Variants in GRID2 observed in about 807,000 individuals in gnomAD.
GRID2 encodes the protein glutamate ionotropic receptor delta type subunit 2.
In GRID2, 33 loss-of-function variants were observed where a neutral mutation model predicts 114.8. That is an observed-to-expected ratio of 0.29 (90% CI 0.22 to 0.38). The LOEUF is 0.38. Ranked by LOEUF, GRID2 falls within the 10% of genes least tolerant of loss-of-function variation. GRID2 has a pLI of 1.00. For synonymous variants in GRID2, 505 were observed against 449.9 expected (o/e 1.12, Z -1.55); for missense variants, 1,184 against 1,257.7 (o/e 0.94, Z 0.89).
At chr4:93,644,525 G>T (rs1326026877) in intron 14 of GRID2, among the ~76,000 whole-genome samples, 5 of 152,046 alleles carry the variant, frequency 3.3e-5, no homozygotes, top group African/African-American at 1.2e-4. Flanking sequence ...AATTTTCTGT[G>T]TATTTTCCAT....
chr4:92,938,680 C>T (rs1212490327), intron 2 of GRID2, among the ~76,000 whole-genome samples: 1 of 145,950 alleles, frequency 6.9e-6, no homozygotes, highest in Admixed American at 7.5e-5. Context: ...CCTCATTTAG[C>T]CTTAGGTATA....
At chr4:92,813,268 G>T (rs887874280) in intron 2 of GRID2, among the ~76,000 whole-genome samples, 1 of 152,050 alleles carries the variant, frequency 6.6e-6, no homozygotes, top group African/African-American at 2.4e-5. Context: ...CAATTCTGAA[G>T]GCTAGACATC....
chr4:92,405,690 G>A (rs1016874802), intron 1 of GRID2, among the ~76,000 whole-genome samples: 2 of 149,002 alleles, frequency 1.3e-5, no homozygotes, highest in African/African-American at 5.0e-5. Flanking sequence ...CAACTGAAAA[G>A]TAGGTAAAAG....
At chr4:93,128,443 C>T (rs1010364060) in intron 4 of GRID2, among the ~76,000 whole-genome samples, 11 of 152,086 alleles carry the variant, frequency 7.2e-5, no homozygotes, top group Non-Finnish European at 1.6e-4. Flanking sequence ...TATTGGAACT[C>T]CAGTGGCTCA....
intron 9 of GRID2, among the ~76,000 whole-genome samples, chr4:93,396,482 G>A (rs1221099711): frequency 6.6e-6 from 1 of 151,968 alleles, no homozygotes; most frequent in Non-Finnish European, 1.5e-5. Flanking sequence ...GTCACATCCA[G>A]GGCATGTCAG....
At chr4:93,190,792 T>G (rs1740906196) in intron 4 of GRID2, among the ~76,000 whole-genome samples, 2 of 152,078 alleles carry the variant, frequency 1.3e-5, no homozygotes, top group Non-Finnish European at 2.9e-5. Context: ...TAATTCATAT[T>G]GGATGTTTTG....
chr4:92,448,285 C>A (rs998943396), intron 1 of GRID2, among the ~76,000 whole-genome samples: 1 of 152,080 alleles, frequency 6.6e-6, no homozygotes, highest in Non-Finnish European at 1.5e-5. Context: ...AGTGATTCTC[C>A]TGTCTCAGCC....
intron 13 of GRID2, among the ~76,000 whole-genome samples, chr4:93,523,070 A>C (rs1273254641): frequency 3.9e-5 from 6 of 152,094 alleles, no homozygotes; most frequent in Non-Finnish European, 1.5e-5. Context: ...CTGATAACAT[A>C]AGCTTCAAAG....
chr4:93,588,886 C>T (rs1314045316), intron 13 of GRID2, among the ~76,000 whole-genome samples: 1 of 152,094 alleles, frequency 6.6e-6, no homozygotes, highest in Non-Finnish European at 1.5e-5. Context: ...CAACAAGCAG[C>T]AGGTTCCTGA....
At chr4:92,908,561 C>CAAA (rs762037449) in intron 2 of GRID2, among the ~76,000 whole-genome samples, 2 of 35,928 alleles carry the variant, frequency 5.6e-5, no homozygotes, top group Non-Finnish European at 1.3e-4. Flanking sequence ...GACTCCATCT[C>CAAA]AAAAAAAAAA....
rs796726198 is a variant in GRID2, at chr4:93,003,294, G to T, written c.245-81701G>T. 9.2e-5 allele frequency among the ~76,000 whole-genome samples: 14 copies of T among 151,970 alleles called. 1 individual carries two copies. The highest frequency in any genetic ancestry group is 3.4e-4 in the African/African-American group (14 of 41,534). On this transcript the variant is annotated intron_variant, in intron 2 of 15. Coordinates refer to ENST00000282020, the MANE Select transcript of GRID2 (RefSeq NM_001510.4). Reference sequence around the variant, plus strand: ...TTTTGAAAAATAAAACTTGTAAAAGGTTTAATTGATTAATTACTGTTTACA... The same window carrying T: ...TTTTGAAAAATAAAACTTGTAAAAGTTTTAATTGATTAATTACTGTTTACA...
At chr4:93,563,688 A>C (rs899342002) in intron 13 of GRID2, among the ~76,000 whole-genome samples, 1 of 152,016 alleles carries the variant, frequency 6.6e-6, no homozygotes, top group African/African-American at 2.4e-5. Context: ...ATCTAAAAGG[A>C]AAAGTGGCCA....
chr4:92,320,975 A>G (rs530144777), intron 1 of GRID2, among the ~76,000 whole-genome samples: 8 of 152,276 alleles, frequency 5.3e-5, no homozygotes, highest in African/African-American at 1.2e-4. Context: ...TATAAAATAA[A>G]AAGATAATTT....
At chr4:93,612,363 G>A (rs1322515361) in intron 13 of GRID2, among the ~76,000 whole-genome samples, 1 of 150,056 alleles carries the variant, frequency 6.7e-6, no homozygotes, top group African/African-American at 2.5e-5. Context: ...TATGATGTTA[G>A]CTGGTTATTT....
chr4:93,336,335 TA>T (rs1159492382), intron 8 of GRID2, among the ~76,000 whole-genome samples: 1 of 152,212 alleles, frequency 6.6e-6, no homozygotes, highest in Non-Finnish European at 1.5e-5. Context: ...TCTTTCAACA[TA>T]TTTTTTATGC....
chr4:93,230,385 C>T (rs1354403767), intron 7 of GRID2, among the ~76,000 whole-genome samples: 1 of 152,016 alleles, frequency 6.6e-6, no homozygotes, highest in Non-Finnish European at 1.5e-5. Context: ...TTGGCATAGA[C>T]TTAAAAAGCA....
intron 10 of GRID2, among the ~76,000 whole-genome samples, chr4:93,429,062 C>A (rs1011809860): frequency 6.6e-6 from 1 of 152,198 alleles, no homozygotes; most frequent in Non-Finnish European, 1.5e-5. Context: ...CAAAAAGTTG[C>A]TGCCCGTGCC....
At chr4:93,045,896 TGG>T in intron 2 of GRID2, among the ~76,000 whole-genome samples, 1 of 152,126 alleles carries the variant, frequency 6.6e-6, no homozygotes. Flanking sequence ...CAAGTATTTA[TGG>T]GGGCTGTATA....
intron 8 of GRID2, among the ~76,000 whole-genome samples, chr4:93,287,708 T>A (rs1007358818): frequency 8.5e-5 from 13 of 152,350 alleles, no homozygotes; most frequent in African/African-American, 3.1e-4. Context: ...GCCAAATGGC[T>A]ATGTTAATAT....
Sources: gnomAD v4.1 joint callset for allele counts (sites outside exome capture counted in the v4.1 genomes callset) on GRCh38, gnomAD v4.1.1 for gene constraint, MANE v1.5 for transcripts, NCBI Gene and HGNC (gene_info 2026-07-23, HGNC 2026-07-21) for gene names.